SAMD4A: variants seen among roughly 807,000 people sequenced by gnomAD.
The protein encoded by SAMD4A is sterile alpha motif domain containing 4A.
A neutral mutation model predicts 81.3 loss-of-function variants in SAMD4A; 33 were observed. That is an observed-to-expected ratio of 0.41 (90% CI 0.31 to 0.54). The LOEUF is 0.54. Among genes scored for constraint, SAMD4A ranks in the 20% least tolerant of loss-of-function variants. The pLI is 0.37. For missense variants in SAMD4A, 854 were observed against 951.1 expected (o/e 0.90, Z 1.34); for synonymous variants, 389 against 382.1 (o/e 1.02, Z -0.21).
chr14:54,790,233 G>C lies in SAMD4A; in HGVS notation c.*1289G>C, dbSNP rs1451256347. The C allele has an allele frequency of 1.3e-5, 2 of 152,414 alleles. No homozygotes were observed. The highest frequency in any genetic ancestry group is 2.9e-5 in the Non-Finnish European group (2 of 68,128). 9.4% of individuals were successfully genotyped at this position (152,414 alleles called of 1,614,324 possible). On this transcript the variant is annotated 3_prime_UTR_variant, in exon 13 of 13. Transcript: ENST00000554335. ...AGGCCCAGCAACAGCGTACAGAGGGGTCAGTCAGCAAGTCCAGAGAGCACA... is the reference window on the plus strand; with the variant it reads ...AGGCCCAGCAACAGCGTACAGAGGGCTCAGTCAGCAAGTCCAGAGAGCACA...
intron 2 of SAMD4A, among the ~76,000 whole-genome samples, chr14:54,574,013 G>T (rs184618389): frequency 6.6e-6 from 1 of 152,268 alleles, no homozygotes; most frequent in East Asian, 1.9e-4. Flanking sequence ...TGATTCAGTG[G>T]TTTCTTTTAC....
rs186508060 is a variant in SAMD4A, at chr14:54,679,729, C to T, written c.197-22333C>T. Among the ~76,000 whole-genome samples, 198 of 152,256 alleles carry T rather than the reference C, an allele frequency of 1.3e-3. 5 individuals are homozygous for T. The highest frequency in any genetic ancestry group is 0.012 in the Admixed American group (177 of 15,298). On this transcript the variant is annotated intron_variant, in intron 2 of 12. Transcript: ENST00000554335. ...AACTGAGGCACAAGAGATTACATTC[C>T]CAGAGCTAGAACCAAGTGCTGTGTC... is the stretch of plus-strand genomic sequence containing the variant.
intron 3 of SAMD4A, chr14:54,703,007 A>G (rs1229487479): frequency 6.6e-6 from 1 of 151,916 alleles, no homozygotes; most frequent in Admixed American, 6.6e-5. Context: ...CTTTCTCTTT[A>G]TTTTTTTTTT....
chr14:54,618,492 A>C (rs1319985473), intron 2 of SAMD4A, among the ~76,000 whole-genome samples: 1 of 152,236 alleles, frequency 6.6e-6, no homozygotes, highest in Non-Finnish European at 1.5e-5. Context: ...ACTTTGAGAA[A>C]TCACAGGTTT....
chr14:54,681,234 G>C (rs1262474747), intron 2 of SAMD4A, among the ~76,000 whole-genome samples: 1 of 133,418 alleles, frequency 7.5e-6, no homozygotes, highest in African/African-American at 2.9e-5. Flanking sequence ...ATGAGCCTCA[G>C]TTTCCTCACC....
At chr14:54,671,275 C>A (rs1056420172) in intron 2 of SAMD4A, among the ~76,000 whole-genome samples, 1 of 152,186 alleles carries the variant, frequency 6.6e-6, no homozygotes. Flanking sequence ...GACACAGATT[C>A]TGGGGTTTGA....
At chr14:54,786,941 A>G (rs1566641448) in intron 12 of SAMD4A, among the ~76,000 whole-genome samples, 1 of 152,160 alleles carries the variant, frequency 6.6e-6, no homozygotes, top group Non-Finnish European at 1.5e-5. Context: ...GAAGCCTCGT[A>G]AGCAGTTTCC....
At chr14:54,607,796 T>C (rs1691487623) in intron 2 of SAMD4A, among the ~76,000 whole-genome samples, 1 of 152,028 alleles carries the variant, frequency 6.6e-6, no homozygotes, top group African/African-American at 2.4e-5. Context: ...CTGTATTGCT[T>C]CATTGTTTGG....
Position 54,784,128 on chromosome 14 carries a change from G to T in SAMD4A, c.2045-409G>T, listed in dbSNP as rs1384139573. On this transcript the variant is annotated intron_variant, in intron 11 of 12. Transcript: ENST00000554335. Reference sequence around the variant, plus strand: ...CCACCCCAGGGAACAGCGGTGCAAAGGCCGTGAGGTAGGAGGGGGCCTGGG... The same window carrying T: ...CCACCCCAGGGAACAGCGGTGCAAATGCCGTGAGGTAGGAGGGGGCCTGGG... The T allele has an allele frequency of 1.5e-5, 8 of 545,264 alleles. No homozygotes were observed. In the East Asian group the frequency reaches 1.9e-4, roughly 13 times the overall value. 33.8% of individuals were successfully genotyped at this position (545,264 alleles called of 1,614,324 possible). A position where few individuals can be genotyped will look rare whatever the true frequency, so the allele number is the denominator to read the frequency against.
intron 2 of SAMD4A, among the ~76,000 whole-genome samples, chr14:54,691,284 G>A (rs2036429867): frequency 6.6e-6 from 1 of 152,080 alleles, no homozygotes; most frequent in Non-Finnish European, 1.5e-5. Flanking sequence ...ATCCCTATGA[G>A]CTCTGAGGTC....
chr14:54,640,025 TAA>T (rs72283032), intron 2 of SAMD4A, among the ~76,000 whole-genome samples: 2 of 148,498 alleles, frequency 1.3e-5, no homozygotes, highest in Admixed American at 6.7e-5. Context: ...CTATGTTTGA[TAA>T]AAAAAAAAAT....
At chr14:54,613,603 C>A (rs1174449907) in intron 2 of SAMD4A, among the ~76,000 whole-genome samples, 1 of 152,212 alleles carries the variant, frequency 6.6e-6, no homozygotes, top group African/African-American at 2.4e-5. Context: ...TGTCTGTCTT[C>A]CAGTTCCCAG....
chr14:54,737,342 C>T (rs2037721682), intron 4 of SAMD4A, 55 bp downstream of exon 4: 1 of 1,587,580 alleles, frequency 6.3e-7, no homozygotes, highest in East Asian at 2.2e-5. Context: ...TTATTGGAGA[C>T]CAGAGGGTAA....
At chr14:54,602,496 A>G (rs1426601387) in intron 2 of SAMD4A, among the ~76,000 whole-genome samples, 4 of 152,034 alleles carry the variant, frequency 2.6e-5, no homozygotes, top group Non-Finnish European at 4.4e-5. Flanking sequence ...AAGGAGATGA[A>G]GCTTTATTGC....
chr14:54,571,434 A>G (rs888142034), intron 2 of SAMD4A, among the ~76,000 whole-genome samples: 3 of 152,194 alleles, frequency 2.0e-5, no homozygotes, highest in African/African-American at 7.2e-5. Context: ...GTCATTTGAT[A>G]CCTACAAGTA....
At chr14:54,628,753 G>A (rs1156448048) in intron 2 of SAMD4A, among the ~76,000 whole-genome samples, 1 of 152,202 alleles carries the variant, frequency 6.6e-6, no homozygotes, top group Non-Finnish European at 1.5e-5. Flanking sequence ...GGAAGTTAAT[G>A]AACTGCCTCA....
chr14:54,653,766 G>A (rs1450684696), intron 2 of SAMD4A, among the ~76,000 whole-genome samples: 1 of 152,188 alleles, frequency 6.6e-6, no homozygotes, highest in African/African-American at 2.4e-5. Context: ...AGGCGAGGAA[G>A]CAGAAGACCT....
chr14:54,636,592 G>A (rs1398629733), intron 2 of SAMD4A, among the ~76,000 whole-genome samples: 2 of 152,168 alleles, frequency 1.3e-5, no homozygotes, highest in Admixed American at 6.5e-5. Context: ...AGATGATGGC[G>A]GCTCACACTT....
intron 11 of SAMD4A, among the ~76,000 whole-genome samples, chr14:54,779,050 C>T (rs143027462): frequency 1.2e-4 from 18 of 152,336 alleles, no homozygotes; most frequent in African/African-American, 3.4e-4. Context: ...CAGGTCCAGA[C>T]GAAGGCTCAT....
Sources: gnomAD v4.1 joint callset for allele counts (sites outside exome capture counted in the v4.1 genomes callset) on GRCh38, gnomAD v4.1.1 for gene constraint, MANE v1.5 for transcripts, NCBI Gene and HGNC (gene_info 2026-07-23, HGNC 2026-07-21) for gene names.